PLXDC2: variants seen among roughly 807,000 people sequenced by gnomAD.
PLXDC2 encodes plexin domain-containing protein 2.
Under a neutral mutation model 68.9 loss-of-function variants are expected in PLXDC2, and 40 were observed. That is an observed-to-expected ratio of 0.58 (90% CI 0.45 to 0.76). PLXDC2 has a LOEUF of 0.76. Among genes scored for constraint, PLXDC2 ranks in the 30% least tolerant of loss-of-function variants. PLXDC2 has a pLI of 0.00. For missense variants in PLXDC2, 644 were observed against 661.9 expected (o/e 0.97, Z 0.30); for synonymous variants, 243 against 234.2 (o/e 1.04, Z -0.34).
intron 7 of PLXDC2, among the ~76,000 whole-genome samples, chr10:20,174,327 A>G (rs896781212): frequency 2.6e-5 from 4 of 152,068 alleles, no homozygotes; most frequent in Admixed American, 2.6e-4. Context: ...AAATGATGTG[A>G]TTTATATACT....
intron 8 of PLXDC2, 60 bp downstream of exon 8, chr10:20,177,154 G>T (rs1443925115): frequency 1.4e-6 from 2 of 1,411,128 alleles, no homozygotes; most frequent in Non-Finnish European, 2.0e-6. Flanking sequence ...GATCTGATCT[G>T]TTCAATAGTT....
At chr10:20,078,015 C>G (rs1313433382) in intron 4 of PLXDC2, among the ~76,000 whole-genome samples, 1 of 152,062 alleles carries the variant, frequency 6.6e-6, no homozygotes, top group Non-Finnish European at 1.5e-5. Context: ...GCCTTGAAAA[C>G]ACAACTATTT....
chr10:20,158,673 GTAAATAAA>G (rs34641917), intron 6 of PLXDC2, among the ~76,000 whole-genome samples: 5 of 148,410 alleles, frequency 3.4e-5, no homozygotes, highest in Admixed American at 6.7e-5. Flanking sequence ...AAATAAATAA[GTAAATAAA>G]TAAATAAATA....
At chr10:20,010,813 T>C (rs1286288724) in intron 2 of PLXDC2, among the ~76,000 whole-genome samples, 2 of 152,242 alleles carry the variant, frequency 1.3e-5, no homozygotes, top group African/African-American at 2.4e-5. Flanking sequence ...ATTAATTATA[T>C]GATCATCACA....
chr10:19,963,624 G>T (rs1834198028), intron 1 of PLXDC2, among the ~76,000 whole-genome samples: 2 of 152,068 alleles, frequency 1.3e-5, no homozygotes, highest in African/African-American at 4.8e-5. Flanking sequence ...ACTCATAGGT[G>T]GGAATTGAAC....
At chr10:20,197,287 A>G (rs920225925) in intron 9 of PLXDC2, among the ~76,000 whole-genome samples, 1 of 152,186 alleles carries the variant, frequency 6.6e-6, no homozygotes, top group Non-Finnish European at 1.5e-5. Context: ...TGGCAATCAT[A>G]GTCTTCCTTC....
intron 6 of PLXDC2, among the ~76,000 whole-genome samples, chr10:20,153,722 A>G (rs932333965): frequency 6.6e-6 from 1 of 152,212 alleles, no homozygotes; most frequent in African/African-American, 2.4e-5. Flanking sequence ...ATTTACGGAA[A>G]AGGAACCTGA....
intron 1 of PLXDC2, among the ~76,000 whole-genome samples, chr10:19,920,530 G>A (rs1186252220): frequency 1.3e-5 from 2 of 152,234 alleles, no homozygotes; most frequent in East Asian, 3.9e-4. Context: ...CTGGTGGAAG[G>A]AGGGGGAGTT....
chr10:20,043,958 G>A (rs1167164792), intron 2 of PLXDC2, among the ~76,000 whole-genome samples: 1 of 151,998 alleles, frequency 6.6e-6, no homozygotes, highest in Non-Finnish European at 1.5e-5. Flanking sequence ...TGTTTTTTCA[G>A]TTATGATTCT....
At chr10:19,990,211 T>C (rs1308622679) in intron 1 of PLXDC2, among the ~76,000 whole-genome samples, 1 of 152,188 alleles carries the variant, frequency 6.6e-6, no homozygotes, top group East Asian at 1.9e-4. Context: ...ATTTCTGTCT[T>C]AGTACTTTGT....
chr10:20,051,777 G>A (rs915520875), intron 3 of PLXDC2, among the ~76,000 whole-genome samples: 1 of 151,862 alleles, frequency 6.6e-6, no homozygotes, highest in East Asian at 1.9e-4. Flanking sequence ...TGATGCTCAT[G>A]CCACTAATCC....
chr10:20,247,589 G>A (rs1306736373), intron 13 of PLXDC2, among the ~76,000 whole-genome samples: 7 of 152,162 alleles, frequency 4.6e-5, no homozygotes, highest in Admixed American at 4.6e-4. Context: ...TGCCTCGGCA[G>A]CTGGGTATAA....
intron 3 of PLXDC2, among the ~76,000 whole-genome samples, chr10:20,063,615 A>T (rs535239269): frequency 6.6e-6 from 1 of 152,162 alleles, no homozygotes; most frequent in African/African-American, 2.4e-5. Context: ...GAGATTTAAT[A>T]ATTAGTGTGA....
intron 2 of PLXDC2, among the ~76,000 whole-genome samples, chr10:20,033,192 A>T (rs1450677156): frequency 6.9e-6 from 1 of 145,714 alleles, no homozygotes; most frequent in Admixed American, 6.7e-5. Context: ...TAAAAAATAT[A>T]TAAAAAAATA....
At chr10:19,817,635 C>G (rs1191672870) in intron 1 of PLXDC2, among the ~76,000 whole-genome samples, 1 of 152,178 alleles carries the variant, frequency 6.6e-6, no homozygotes, top group African/African-American at 2.4e-5. Context: ...GGTCTCCCCT[C>G]TGCACGAGAA....
chr10:19,950,563 T>C (rs1833975323), intron 1 of PLXDC2, among the ~76,000 whole-genome samples: 1 of 151,940 alleles, frequency 6.6e-6, no homozygotes, highest in South Asian at 2.1e-4. Flanking sequence ...TAAATAGTAT[T>C]TTCAAATACT....
At chr10:20,278,697 A>G (rs889367477) in intron 13 of PLXDC2, among the ~76,000 whole-genome samples, 10 of 152,174 alleles carry the variant, frequency 6.6e-5, no homozygotes, top group Non-Finnish European at 1.5e-4. Flanking sequence ...AACCATCGAC[A>G]TTGGCATGTA....
chr10:20,000,387 T>C (rs368141455), intron 1 of PLXDC2, among the ~76,000 whole-genome samples: 1 of 152,106 alleles, frequency 6.6e-6, no homozygotes, highest in African/African-American at 2.4e-5. Flanking sequence ...CTTTGGTCTC[T>C]GTGGTCCTTT....
intron 1 of PLXDC2, among the ~76,000 whole-genome samples, chr10:19,882,111 C>G (rs774337666): frequency 6.6e-6 from 1 of 152,140 alleles, no homozygotes; most frequent in Non-Finnish European, 1.5e-5. Flanking sequence ...GTAGATGTTT[C>G]TCATGATGGA....
Sources: allele counts gnomAD v4.1 joint callset (sites outside exome capture counted in the v4.1 genomes callset), GRCh38; gene constraint gnomAD v4.1.1; transcripts MANE v1.5; gene names NCBI Gene and HGNC (gene_info 2026-07-23, HGNC 2026-07-21).